Variants in DGKI observed in about 807,000 individuals in gnomAD.
DGKI encodes the protein diacylglycerol kinase iota.
A neutral mutation model predicts 147.5 loss-of-function variants in DGKI; 55 were observed. The ratio of observed to expected loss-of-function variants is 0.37; its 90% CI spans 0.30 to 0.47. The LOEUF (loss-of-function observed/expected upper bound fraction) is 0.47. Ranked by LOEUF, DGKI falls within the 20% of genes least tolerant of loss-of-function variation. The pLI is 1.00. For missense variants in DGKI, 1,007 were observed against 1,323.8 expected (o/e 0.76, Z 3.71); for synonymous variants, 469 against 477.1 (o/e 0.98, Z 0.22).
intron 1 of DGKI, among the ~76,000 whole-genome samples, chr7:137,736,206 A>C (rs1365507741): frequency 6.6e-6 from 1 of 152,154 alleles, no homozygotes; most frequent in Non-Finnish European, 1.5e-5. Context: ...TCTCTTAATA[A>C]ATGTCCAAAC....
At chr7:137,447,081 T>C (rs1401870264) in intron 27 of DGKI, among the ~76,000 whole-genome samples, 1 of 152,244 alleles carries the variant, frequency 6.6e-6, no homozygotes, top group East Asian at 1.9e-4. Context: ...ATATTCATAT[T>C]TGTTTGTGCT....
Position 137,474,162 on chromosome 7 carries a change from G to A in DGKI, c.2374-4543C>T, listed in dbSNP as rs372282380. Among the ~76,000 whole-genome samples the A allele has an allele frequency of 9.2e-5, 14 of 152,012 alleles. No homozygotes were observed. In the South Asian group the frequency reaches 2.5e-3, roughly 27 times the overall value. On this transcript the variant is annotated intron_variant, in intron 23 of 32. Coordinates refer to ENST00000614521, the MANE Select transcript of DGKI (RefSeq NM_001321708.2). ...AATGAAAAACTGTAATTACTATCTG[G>A]GCAGATTCATAATGCAACTAAACTA... is the stretch of plus-strand genomic sequence containing the variant.
At chr7:137,654,637 G>C in intron 5 of DGKI, 95 bp downstream of exon 5, 1 of 928,696 alleles carries the variant, frequency 1.1e-6, no homozygotes, top group Non-Finnish European at 1.7e-6. Context: ...GAAAGAGATA[G>C]AATTTATTTT....
At chr7:137,417,055 A>C (rs933957138) in intron 28 of DGKI, among the ~76,000 whole-genome samples, 1 of 152,150 alleles carries the variant, frequency 6.6e-6, no homozygotes, top group African/African-American at 2.4e-5. Flanking sequence ...TTATTATTCA[A>C]CTCCAGATAA....
intron 21 of DGKI, among the ~76,000 whole-genome samples, chr7:137,506,381 T>C (rs1222367908): frequency 3.9e-5 from 6 of 152,174 alleles, no homozygotes; most frequent in East Asian, 3.9e-4. Context: ...ATTCCAATTA[T>C]GTGAAATTCT....
chr7:137,831,964 C>T (rs6974718), intron 1 of DGKI, among the ~76,000 whole-genome samples: 35,249 of 152,218 alleles, frequency 0.23, 9,835 homozygotes, highest in African/African-American at 0.67. Context: ...GAAATTCAAC[C>T]GGGCAGTCAA....
At chr7:137,436,975 A>G (rs939391815) in intron 28 of DGKI, among the ~76,000 whole-genome samples, 11 of 152,330 alleles carry the variant, frequency 7.2e-5, no homozygotes, top group African/African-American at 2.6e-4. Flanking sequence ...AGAGCGAAGG[A>G]AAAGATCCTT....
intron 1 of DGKI, among the ~76,000 whole-genome samples, chr7:137,841,256 T>C (rs533671046): frequency 1.3e-5 from 2 of 152,372 alleles, no homozygotes; most frequent in African/African-American, 4.8e-5. Context: ...CAATGAGTTG[T>C]GGAAGCATTA....
At chr7:137,789,918 G>A (rs1362380622) in intron 1 of DGKI, among the ~76,000 whole-genome samples, 1 of 152,094 alleles carries the variant, frequency 6.6e-6, no homozygotes, top group Admixed American at 6.5e-5. Flanking sequence ...CCATAGTTTT[G>A]CTATATTCAT....
chr7:137,846,669 GC>G lies in DGKI; in HGVS notation c.193del (p.Ala65ArgfsTer58). On this transcript the variant is annotated frameshift_variant, in exon 1 of 33. Transcript: ENST00000614521. LOFTEE classifies it high-confidence loss of function. This position sits in a 1 kb window ranked among gnomAD's most constrained non-coding sequence, Gnocchi z 4.0. ...TCCGCTGCTGCTGCTGCCGCCCGTCGCCCCTTTCTCCTCTCCCGCCGAGGAG... is the reference window on the plus strand; with the variant it reads ...TCCGCTGCTGCTGCTGCCGCCCGTCGCCCTTTCTCCTCTCCCGCCGAGGAG... ...PSSSAGEEKG[A>X]TGGSSSSGSG... The G allele has an allele frequency of 9.3e-7, 1 of 1,072,996 alleles. No homozygotes were observed. The highest frequency in any genetic ancestry group is 3.1e-5 in the South Asian group (1 of 31,980). 66.5% of individuals were successfully genotyped at this position (1,072,996 alleles called of 1,614,324 possible).
Position 137,689,179 on chromosome 7 carries a change from C to A in DGKI, c.510+715G>T, listed in dbSNP as rs575392125. On this transcript the variant is annotated intron_variant, in intron 2 of 32. Coordinates refer to ENST00000614521, the MANE Select transcript of DGKI (RefSeq NM_001321708.2). ...AAGGTTCATCATCAGGGAAGGCTGG[C>A]AGAACTTCAGGGAAGCCCTTCTCTC... Among the ~76,000 whole-genome samples, 3 of 152,254 alleles carry A rather than the reference C, an allele frequency of 2.0e-5. No individual in the cohort carries two copies. In the South Asian group the frequency reaches 6.2e-4, roughly 32 times the overall value.
intron 1 of DGKI, among the ~76,000 whole-genome samples, chr7:137,753,828 A>G (rs999833958): frequency 3.3e-5 from 5 of 152,182 alleles, no homozygotes; most frequent in African/African-American, 9.7e-5. Flanking sequence ...TCGTTAGAGC[A>G]GCTTTGAGAG....
intron 1 of DGKI, among the ~76,000 whole-genome samples, chr7:137,824,137 T>C (rs1284578496): frequency 6.6e-6 from 1 of 152,230 alleles, no homozygotes; most frequent in Non-Finnish European, 1.5e-5. Flanking sequence ...TAGCATGTGA[T>C]GTATAAATAC....
intron 1 of DGKI, among the ~76,000 whole-genome samples, chr7:137,764,743 T>C (rs950624837): frequency 2.6e-4 from 40 of 152,346 alleles, no homozygotes; most frequent in African/African-American, 9.4e-4. Flanking sequence ...GTTTGAAAGA[T>C]AATACAGTGC....
At chr7:137,393,225 AT>A (rs35233886) in intron 32 of DGKI, among the ~76,000 whole-genome samples, 1 of 151,200 alleles carries the variant, frequency 6.6e-6, no homozygotes, top group Admixed American at 6.6e-5. Context: ...AGCTATTTCC[AT>A]TTTTTTTTAA....
At chr7:137,522,113 T>C (rs977187350) in intron 20 of DGKI, 147 bp from the exon 21 acceptor site, 6 of 582,260 alleles carry the variant, frequency 1.0e-5, no homozygotes, top group Non-Finnish European at 1.8e-5. Flanking sequence ...CTTATCAGAA[T>C]TGAACAGTGA....
intron 20 of DGKI, among the ~76,000 whole-genome samples, chr7:137,526,287 G>C (rs1158201553): frequency 6.6e-6 from 1 of 151,972 alleles, no homozygotes; most frequent in Non-Finnish European, 1.5e-5. Flanking sequence ...TTAGGCTCTG[G>C]ATCAGGGGTT....
At chr7:137,770,624 C>T (rs1178533506) in intron 1 of DGKI, among the ~76,000 whole-genome samples, 1 of 49,740 alleles carries the variant, frequency 2.0e-5, no homozygotes, top group Non-Finnish European at 3.4e-5. Context: ...AGCTCCGCCT[C>T]CCGGGTTCAC....
At chr7:137,601,913 T>G (rs1238206732) in intron 10 of DGKI, among the ~76,000 whole-genome samples, 3 of 152,218 alleles carry the variant, frequency 2.0e-5, no homozygotes, top group African/African-American at 7.2e-5. Flanking sequence ...TCACGTTCTA[T>G]CTAATAATTA....
Sources: allele counts gnomAD v4.1 joint callset (sites outside exome capture counted in the v4.1 genomes callset), GRCh38; gene constraint gnomAD v4.1.1; non-coding constraint Gnocchi (gnomAD v3.1); transcripts MANE v1.5; gene names NCBI Gene and HGNC (gene_info 2026-07-23, HGNC 2026-07-21).